The following ZNF704 variants were observed in gnomAD, a reference collection of about 807,000 sequenced individuals.
ZNF704 encodes glucocorticoid induced gene 1.
In ZNF704, 10 loss-of-function variants were observed where a neutral mutation model predicts 44.7. The observed-to-expected ratio is 0.22, with a 90% CI of 0.14 to 0.38. The LOEUF (loss-of-function observed/expected upper bound fraction) is 0.38, where lower values mean the gene tolerates loss of function less well. Ranked by LOEUF, ZNF704 falls within the 10% of genes least tolerant of loss-of-function variation. ZNF704 has a pLI of 1.00. For missense variants in ZNF704, 390 were observed against 545.5 expected (o/e 0.71, Z 2.84); for synonymous variants, 211 against 207.6 (o/e 1.02, Z -0.14).
At chr8:80,704,457 T>C (rs1250194872) in intron 2 of ZNF704, among the ~76,000 whole-genome samples, 1 of 152,230 alleles carries the variant, frequency 6.6e-6, no homozygotes, top group African/African-American at 2.4e-5. Flanking sequence ...TCTCCAGTGA[T>C]AGGCATCTTT....
At chr8:80,731,356 G>T (rs1300359449) in intron 2 of ZNF704, among the ~76,000 whole-genome samples, 2 of 152,028 alleles carry the variant, frequency 1.3e-5, no homozygotes, top group Non-Finnish European at 2.9e-5. Flanking sequence ...TAAGACCAAG[G>T]AATGGTATAT....
At chr8:80,851,427 A>G (rs567307697) in intron 1 of ZNF704, among the ~76,000 whole-genome samples, 14 of 152,296 alleles carry the variant, frequency 9.2e-5, no homozygotes, top group African/African-American at 3.1e-4. Context: ...TTGTAGGGAC[A>G]TGGATGAAAC....
chr8:80,763,105 T>C (rs758251977), intron 2 of ZNF704, among the ~76,000 whole-genome samples: 1 of 152,206 alleles, frequency 6.6e-6, no homozygotes, highest in Admixed American at 6.5e-5. Context: ...TGGGCTGGCA[T>C]TGAGTGTCTG....
At chr8:80,697,971 A>G (rs1818752198) in intron 2 of ZNF704, among the ~76,000 whole-genome samples, 1 of 152,224 alleles carries the variant, frequency 6.6e-6, no homozygotes, top group Admixed American at 6.5e-5. Context: ...GTCCCTCACT[A>G]GAGTTTCCAG....
chr8:80,706,523 A>G (rs904747866), intron 2 of ZNF704, among the ~76,000 whole-genome samples: 13 of 152,264 alleles, frequency 8.5e-5, no homozygotes, highest in Non-Finnish European at 1.9e-4. Flanking sequence ...GAAGACTCAC[A>G]TCATTCCTAA....
chr8:80,738,389 T>C lies in ZNF704; in HGVS notation c.222-45282A>G, dbSNP rs1395560276. Among the ~76,000 whole-genome samples the C allele has an allele frequency of 2.6e-5, 4 of 152,194 alleles. No individual in the cohort carries two copies. In the East Asian group the frequency reaches 5.8e-4, roughly 22 times the overall value. Reference sequence around the variant, plus strand: ...GATTCTTTTGTAAAAAAGGTTTTTATAGACACATTTTAAAACCACACACAT... The same window carrying C: ...GATTCTTTTGTAAAAAAGGTTTTTACAGACACATTTTAAAACCACACACAT... On this transcript the variant is annotated intron_variant, in intron 2 of 8. Transcript: ENST00000327835.
rs529228846 is a variant in ZNF704, at chr8:80,714,583, TC to T, written c.222-21477del. Among the ~76,000 whole-genome samples, 13 of 152,314 alleles carry T rather than the reference TC, an allele frequency of 8.5e-5. No homozygotes were observed. The South Asian group carries it at 2.3e-3, about 27-fold the overall frequency. ...ATGGCATTACTGAATACTCTAATGATCTCCTCCTCCGGCCTCCTTTGTGTGC... is the reference window on the plus strand; with the variant it reads ...ATGGCATTACTGAATACTCTAATGATTCCTCCTCCGGCCTCCTTTGTGTGC... On this transcript the variant is annotated intron_variant, in intron 2 of 8. Coordinates refer to ENST00000327835, the MANE Select transcript of ZNF704 (RefSeq NM_001033723.3).
intron 1 of ZNF704, among the ~76,000 whole-genome samples, chr8:80,836,001 C>T (rs1463430635): frequency 6.6e-6 from 1 of 152,162 alleles, no homozygotes; most frequent in East Asian, 1.9e-4. Context: ...AGTCTCCCTC[C>T]CCGGAGCCCT....
At chr8:80,748,228 CA>C (rs767347420) in intron 2 of ZNF704, among the ~76,000 whole-genome samples, 14 of 151,810 alleles carry the variant, frequency 9.2e-5, no homozygotes, top group Non-Finnish European at 2.9e-5. Context: ...AGTATATAAC[CA>C]GAACAAAATC....
intron 2 of ZNF704, among the ~76,000 whole-genome samples, chr8:80,761,719 A>C (rs185679215): frequency 8.5e-4 from 130 of 152,382 alleles, no homozygotes; most frequent in Non-Finnish European, 1.4e-3. Context: ...ATTTGTAAGC[A>C]TAAACACTCA....
chr8:80,676,252 C>G (rs73691969), intron 4 of ZNF704, among the ~76,000 whole-genome samples: 16,299 of 152,116 alleles, frequency 0.11, 2,941 homozygotes, highest in African/African-American at 0.37. Context: ...TTTTGCTGAC[C>G]TATGAGCAGT....
chr8:80,650,510 G>T (rs1038219850), intron 7 of ZNF704, among the ~76,000 whole-genome samples: 2 of 152,200 alleles, frequency 1.3e-5, no homozygotes, highest in Admixed American at 6.5e-5. Flanking sequence ...CAAGAACTAC[G>T]TGACGAATGC....
At chr8:80,737,659 A>C (rs1474163658) in intron 2 of ZNF704, among the ~76,000 whole-genome samples, 1 of 152,220 alleles carries the variant, frequency 6.6e-6, no homozygotes, top group Non-Finnish European at 1.5e-5. Flanking sequence ...ATTTGTGAAC[A>C]TATGTTTTTA....
At chr8:80,830,665 T>C (rs1808454779) in intron 1 of ZNF704, among the ~76,000 whole-genome samples, 1 of 147,806 alleles carries the variant, frequency 6.8e-6, no homozygotes, top group African/African-American at 2.5e-5. Context: ...GATGGAAGGA[T>C]GGACGGAAGG....
intron 7 of ZNF704, among the ~76,000 whole-genome samples, chr8:80,646,492 T>G (rs1021205777): frequency 3.3e-5 from 5 of 149,520 alleles, no homozygotes; most frequent in Non-Finnish European, 5.9e-5. Flanking sequence ...AAAAAAAAAA[T>G]TATACAGGTA....
At position 80,699,698 on chromosome 8, in the gene ZNF704, C is replaced by T. The variant is rs201068349; in HGVS notation, c.222-6591G>A. ...CAAAGAGCTTGCAGACTGGCACTGG[C>T]CCATGGTCCACACTTTGAGTAGCAT... On this transcript the variant is annotated intron_variant, in intron 2 of 8. Transcript: ENST00000327835. Among the ~76,000 whole-genome samples, 12 of 152,292 alleles carry T rather than the reference C, an allele frequency of 7.9e-5. No individual in the cohort carries two copies. In the East Asian group the frequency reaches 2.1e-3, roughly 27 times the overall value.
intron 2 of ZNF704, among the ~76,000 whole-genome samples, chr8:80,703,620 A>G (rs1818847248): frequency 6.6e-6 from 1 of 152,116 alleles, no homozygotes; most frequent in African/African-American, 2.4e-5. Context: ...GACTACAGGC[A>G]AACGCCACCA....
chr8:80,700,554 G>C (rs1430863297), intron 2 of ZNF704, among the ~76,000 whole-genome samples: 1 of 152,072 alleles, frequency 6.6e-6, no homozygotes, highest in Admixed American at 6.5e-5. Context: ...TTCAGTGAAC[G>C]ATTCTCAGGT....
intron 2 of ZNF704, among the ~76,000 whole-genome samples, chr8:80,737,012 A>G (rs967581215): frequency 3.3e-5 from 5 of 152,124 alleles, no homozygotes; most frequent in African/African-American, 1.2e-4. Flanking sequence ...AGTAGAGAGG[A>G]AATGGGAGGA....
Sources: allele counts gnomAD v4.1 joint callset (sites outside exome capture counted in the v4.1 genomes callset), GRCh38; gene constraint gnomAD v4.1.1; transcripts MANE v1.5; gene names NCBI Gene and HGNC (gene_info 2026-07-23, HGNC 2026-07-21).